Variants in NEFM observed in about 807,000 individuals in gnomAD.
The protein encoded by NEFM is neurofilament medium polypeptide.
A neutral mutation model predicts 48.1 loss-of-function variants in NEFM; 16 were observed. The observed-to-expected ratio is 0.33, with a 90% confidence interval of 0.23 to 0.51. The LOEUF is 0.51. Among genes scored for constraint, NEFM ranks in the 20% least tolerant of loss-of-function variants. The probability of loss-of-function intolerance (pLI) is 0.98; values close to 1 mark genes in which losing one functional copy is unlikely to be tolerated. For synonymous variants in NEFM, 465 were observed against 456.9 expected (o/e 1.02, Z -0.23); for missense variants, 1,107 against 1,136.0 (o/e 0.97, Z 0.37).
Position 24,917,724 on chromosome 8 carries a change from A to G in NEFM, c.1869A>G (p.Glu623=). The G allele has an allele frequency of 6.2e-7, 1 of 1,613,806 alleles. No homozygotes were observed. The highest frequency in any genetic ancestry group is 1.1e-5 in the South Asian group (1 of 91,048). ...AKSPVPKSPV[E]EKGKSPVPKS... is the part of the protein sequence containing the mutation. ...CTCCTGTGCCAAAATCACCAGTGGA[A>G]GAGAAAGGCAAGTCTCCTGTGCCCA... The change falls in exon 3 of 3, where the codon GAA becomes GAG. Residue 623 remains glutamate (E), a synonymous_variant. Coordinates refer to ENST00000221166, the MANE Select transcript of NEFM (RefSeq NM_005382.2).
intron 2 of NEFM, among the ~76,000 whole-genome samples, chr8:24,916,684 CTTT>C (rs1802577753): frequency 6.6e-6 from 1 of 152,012 alleles, no homozygotes. Flanking sequence ...TTGTTTATGG[CTTT>C]TTGTTTTTTT....
chr8:24,918,374 A>G lies in NEFM; in HGVS notation c.2519A>G (p.Asp840Gly), dbSNP rs779188160. ...VTNGLDLSPA[D>G]EKKGGDKSEE... ...AATGGCCTAGACTTGAGCCCAGCAG[A>G]TGAAAAGAAGGGGGGTGATAAAAGT... The change falls in exon 3 of 3, where the codon GAT (aspartate) becomes GGT (glycine). Residue 840 changes from aspartate to glycine, a missense_variant. By Grantham distance (94) the Asp-to-Gly change is moderately conservative. This residue lies in a region of NEFM where 917 missense variants were observed against 916.4 expected (regional missense o/e 1.00). Transcript: ENST00000221166. 4 of 1,614,182 alleles carry G rather than the reference A, an allele frequency of 2.5e-6. No individual in the cohort carries two copies. Among genetic ancestry groups the G allele is most frequent in the Non-Finnish European group, 2.5e-6 (3 of 1,180,050 alleles).
chr8:24,918,410 T>C lies in NEFM; in HGVS notation c.2555T>C (p.Val852Ala), dbSNP rs774135441. Residue 852 changes from valine (V) to alanine (A), a missense_variant, in exon 3 of 3, where the codon GTG (valine) becomes GCG (alanine). Transcript: ENST00000221166. ...GGGGGTGATAAAAGTGAGGAGAAAG[T>C]GGTGGTGACCAAAACGGTAGAAAAA... ...KKGGDKSEEK[V>A]VVTKTVEKIT... The C allele has an allele frequency of 3.7e-6, 6 of 1,613,720 alleles. No homozygotes were observed. In the African/African-American group the frequency reaches 8.0e-5, roughly 22 times the overall value.
Position 24,917,363 on chromosome 8 carries a change from A to G in NEFM, c.1508A>G (p.Glu503Gly), listed in dbSNP as rs776014406. 2 of 1,597,508 alleles carry G rather than the reference A, an allele frequency of 1.3e-6. No individual in the cohort carries two copies. The highest frequency in any genetic ancestry group is 2.2e-5 in the South Asian group (2 of 89,272). The stretch of plus-strand genomic sequence containing the variant: ...AAGGAAGAGGAACCCGAAGCTGAAG[A>G]AGAAGAAGTAGCTGCCAAAAAGTCT... ...EEKEEEPEAE[E>G]EEVAAKKSPV... is the part of the protein sequence containing the mutation. The change falls in exon 3 of 3, where the codon GAA (glutamate) becomes GGA (glycine). Residue 503 changes from glutamate (E) to glycine (G), a missense_variant. By Grantham distance (98) the Glu-to-Gly change is moderately conservative (BLOSUM62 -2). Transcript: ENST00000221166.
Position 24,914,075 on chromosome 8 carries a change from C to T in NEFM, c.282C>T (p.Tyr94=). 1 of 1,612,946 alleles carries T rather than the reference C, an allele frequency of 6.2e-7. No homozygotes were observed. Among genetic ancestry groups the T allele is most frequent in the Non-Finnish European group, 8.5e-7 (1 of 1,179,958 alleles). Residue 94 remains tyrosine (Y), a synonymous_variant, in exon 1 of 3, where the codon TAC becomes TAT. Transcript: ENST00000221166. ...LNGGSGPGGD[Y]KLSRSNEKEQ... ...GCGGCTCCGGACCCGGCGGCGACTA[C>T]AAGCTGTCCCGCTCCAACGAGAAGG...
Position 24,918,229 on chromosome 8 carries a change from G to T in NEFM, c.2374G>T (p.Ala792Ser), listed in dbSNP as rs1417383202. The T allele has an allele frequency of 1.3e-6, 2 of 1,562,232 alleles. No individual in the cohort carries two copies. The highest frequency in any genetic ancestry group is 2.7e-5 in the African/African-American group (2 of 73,372). Residue 792 changes from alanine to serine, a missense_variant, in exon 3 of 3, where the codon GCC becomes TCC. By Grantham distance (99) the Ala-to-Ser change is moderately conservative (BLOSUM62 1). Transcript: ENST00000221166. ...GSEEEGSDKG[A>S]KGSRKEDIAV... is the part of the protein sequence containing the mutation. ...TGAGGAGGAAGGGAGTGATAAAGGT[G>T]CCAAGGGATCCAGGAAGGAAGACAT... is the stretch of plus-strand genomic sequence containing the variant.
chr8:24,917,652 G>A lies in NEFM; in HGVS notation c.1797G>A (p.Glu599=). Residue 599 remains glutamate, a synonymous_variant, in exon 3 of 3, where the codon GAG becomes GAA. Coordinates refer to ENST00000221166, the MANE Select transcript of NEFM (RefSeq NM_005382.2). The part of the protein sequence containing the change: ...EEKSEEVATK[E]ELVADAKVEK... ...AGAGTGAGGAAGTGGCTACCAAGGA[G>A]GAGCTGGTGGCAGATGCCAAGGTGG... 1.9e-6 allele frequency: 3 copies of A among 1,613,290 alleles called. No individual in the cohort carries two copies. The highest frequency in any genetic ancestry group is 2.5e-6 in the Non-Finnish European group (3 of 1,180,014).
In NEFM at chr8:24,918,637, T is replaced by C. The variant is rs757816811; in HGVS notation, c.*31T>C. The stretch of plus-strand genomic sequence containing the variant: ...GAGTCCATTGCAAAAGGTTAAGCCA[T>C]ATGACAATTTCAAAATGCATGTGAT... On this transcript the variant is annotated 3_prime_UTR_variant, in exon 3 of 3. Coordinates refer to ENST00000221166, the MANE Select transcript of NEFM (RefSeq NM_005382.2). The C allele has an allele frequency of 1.3e-5, 19 of 1,503,010 alleles. No homozygotes were observed. The South Asian group carries it at 1.5e-4, about 12-fold the overall frequency. 93.1% of individuals were successfully genotyped at this position (1,503,010 alleles called of 1,614,324 possible).
rs370131251 is a variant in NEFM at position 24,914,658 on chromosome 8, G to A, written c.865G>A (p.Glu289Lys). ...SHSDQNMHQA[E>K]EWFKCRYAKL... ...CTCAGACCAGAATATGCACCAGGCCGAAGAGTGGTTCAAATGCCGCTACGC... is the reference window on the plus strand; with the variant it reads ...CTCAGACCAGAATATGCACCAGGCCAAAGAGTGGTTCAAATGCCGCTACGC... The change falls in exon 1 of 3, where the codon GAA (glutamate) becomes AAA (lysine). Residue 289 changes from glutamate to lysine, a missense_variant. Transcript: ENST00000221166. 6 of 1,614,204 alleles carry A rather than the reference G, an allele frequency of 3.7e-6. No homozygotes were observed. Among genetic ancestry groups the A allele is most frequent in the Non-Finnish European group, 4.2e-6 (5 of 1,180,042 alleles).
rs760454116 is a variant in NEFM, at chr8:24,914,663, G to A, written c.870G>A (p.Glu290=). 6.2e-7 allele frequency: 1 copy of A among 1,614,096 alleles called. No individual in the cohort carries two copies. Among genetic ancestry groups the A allele is most frequent in the Non-Finnish European group, 8.5e-7 (1 of 1,180,052 alleles). The part of the protein sequence containing the change: ...HSDQNMHQAE[E]WFKCRYAKLT... ...ACCAGAATATGCACCAGGCCGAAGAGTGGTTCAAATGCCGCTACGCCAAGC... is the reference window on the plus strand; with the variant it reads ...ACCAGAATATGCACCAGGCCGAAGAATGGTTCAAATGCCGCTACGCCAAGC... Residue 290 remains glutamate, a synonymous_variant, in exon 1 of 3, where the codon GAG becomes GAA. Coordinates refer to ENST00000221166, the MANE Select transcript of NEFM (RefSeq NM_005382.2).
Position 24,914,064 on chromosome 8 carries a change from G to A in NEFM, c.271G>A (p.Gly91Ser), listed in dbSNP as rs139867342. The A allele has an allele frequency of 1.9e-6, 3 of 1,612,846 alleles. No individual in the cohort carries two copies. The highest frequency in any genetic ancestry group is 2.7e-5 in the African/African-American group (2 of 75,078). The change falls in exon 1 of 3, where the codon GGC becomes AGC. Residue 91 changes from glycine (G) to serine (S), a missense_variant. Physicochemically the swap from Gly to Ser is moderately conservative, Grantham distance 56. Transcript: ENST00000221166. The stretch of plus-strand genomic sequence containing the variant: ...CCTGCTCAACGGCGGCTCCGGACCC[G>A]GCGGCGACTACAAGCTGTCCCGCTC... ...SSLLNGGSGP[G>S]GDYKLSRSNE... is the part of the protein sequence containing the mutation.
Position 24,915,677 on chromosome 8 carries a change from C to G in NEFM, c.1153C>G (p.Gln385Glu). The G allele has an allele frequency of 1.2e-6, 2 of 1,614,016 alleles. No individual in the cohort carries two copies. Among genetic ancestry groups the G allele is most frequent in the Non-Finnish European group, 1.7e-6 (2 of 1,180,002 alleles). ...WEMARHLREY[Q>E]DLLNVKMALD... ...AATGGCTCGTCATTTGCGCGAATAC[C>G]AGGACCTCCTCAACGTCAAGATGGC... The change falls in exon 2 of 3, where the codon CAG becomes GAG. Residue 385 changes from glutamine to glutamate, a missense_variant. This residue lies in a region of NEFM where 917 missense variants were observed against 916.4 expected (regional missense o/e 1.00). Transcript: ENST00000221166.
chr8:24,914,981 C>T (rs1586107106), intron 1 of NEFM, 108 bp downstream of exon 1: 1 of 1,422,210 alleles, frequency 7.0e-7, no homozygotes. Context: ...CTGGTGGCCG[C>T]TCGCTAGAGC....
Position 24,918,402 on chromosome 8 carries a change from G to T in NEFM, c.2547G>T (p.Glu849Asp), listed in dbSNP as rs770556393. 1 of 1,614,158 alleles carries T rather than the reference G, an allele frequency of 6.2e-7. No individual in the cohort carries two copies. The highest frequency in any genetic ancestry group is 2.2e-5 in the East Asian group (1 of 44,880). Residue 849 changes from glutamate to aspartate, a missense_variant, in exon 3 of 3, where the codon GAG becomes GAT. By Grantham distance (45) the Glu-to-Asp change is conservative. This residue lies in a region of NEFM where 917 missense variants were observed against 916.4 expected (regional missense o/e 1.00). Transcript: ENST00000221166. ...ADEKKGGDKS[E>D]EKVVVTKTVE... ...AAAAGAAGGGGGGTGATAAAAGTGA[G>T]GAGAAAGTGGTGGTGACCAAAACGG...
chr8:24,914,403 C>G lies in NEFM; in HGVS notation c.610C>G (p.Arg204Gly), dbSNP rs773238968. The change falls in exon 1 of 3, where the codon CGC becomes GGC. Residue 204 changes from arginine to glycine, a missense_variant. Physicochemically the swap from Arg to Gly is moderately radical, Grantham distance 125. Transcript: ENST00000221166. ...GCGCGACGACACTGAGGCGGCCATC[C>G]GCGCGCTGCGCAAAGACATCGAGGA... ...RLRDDTEAAIRALRKDIEEAS... is the reference protein window; with the variant it reads ...RLRDDTEAAIGALRKDIEEAS... The G allele has an allele frequency of 5.0e-6, 8 of 1,613,554 alleles. No individual in the cohort carries two copies. The highest frequency in any genetic ancestry group is 2.2e-5 in the East Asian group (1 of 44,848).
chr8:24,917,661 G>A lies in NEFM; in HGVS notation c.1806G>A (p.Val602=). 6.2e-7 allele frequency: 1 copy of A among 1,613,338 alleles called. No individual in the cohort carries two copies. Among genetic ancestry groups the A allele is most frequent in the Non-Finnish European group, 8.5e-7 (1 of 1,180,028 alleles). ...SEEVATKEEL[V]ADAKVEKPEK... is the part of the protein sequence containing the mutation. ...AAGTGGCTACCAAGGAGGAGCTGGT[G>A]GCAGATGCCAAGGTGGAAAAGCCAG... is the stretch of plus-strand genomic sequence containing the variant. Residue 602 remains valine, a synonymous_variant, in exon 3 of 3, where the codon GTG becomes GTA. Coordinates refer to ENST00000221166, the MANE Select transcript of NEFM (RefSeq NM_005382.2).
At chr8:24,915,247 A>C in intron 1 of NEFM, 1 of 1,268,974 alleles carries the variant, frequency 7.9e-7, no homozygotes, top group Non-Finnish European at 1.0e-6. Context: ...AGTGATCGGA[A>C]GAGCTCTCAA....
chr8:24,917,913 A>G lies in NEFM; in HGVS notation c.2058A>G (p.Pro686=), dbSNP rs1802604695. Reference sequence around the variant, plus strand: ...CCAAATCTCCTGTGCCAAAATCACCAGTGGAAGAGGCAAAGTCAAAAGCAG... The same window carrying G: ...CCAAATCTCCTGTGCCAAAATCACCGGTGGAAGAGGCAAAGTCAAAAGCAG... ...EKAKSPVPKS[P]VEEAKSKAEV... Residue 686 remains proline, a synonymous_variant, in exon 3 of 3, where the codon CCA becomes CCG. Transcript: ENST00000221166. 6 of 1,614,100 alleles carry G rather than the reference A, an allele frequency of 3.7e-6. No individual in the cohort carries two copies. Among genetic ancestry groups the G allele is most frequent in the African/African-American group, 1.3e-5 (1 of 74,930 alleles).
chr8:24,915,608 A>G lies in NEFM; in HGVS notation c.1084A>G (p.Thr362Ala), dbSNP rs780927497. 7.4e-6 allele frequency: 12 copies of G among 1,614,000 alleles called. No individual in the cohort carries two copies. Among genetic ancestry groups the G allele is most frequent in the Non-Finnish European group, 9.3e-6 (11 of 1,179,984 alleles). ...HNHDLSSYQD[T>A]IQQLENELRG... is the part of the protein sequence containing the mutation. The stretch of plus-strand genomic sequence containing the variant: ...AGATTCTCTGTGTCTGTTTCAGGAC[A>G]CCATCCAGCAGCTGGAAAATGAGCT... Residue 362 changes from threonine to alanine, a missense_variant, in exon 2 of 3, where the codon ACC becomes GCC. Thr to Ala is a moderately conservative substitution (Grantham distance 58, BLOSUM62 0). Around this residue, in one of 3 missense-constraint regions of NEFM, gnomAD observed 917 missense variants for 916.4 expected, o/e 1.00. Transcript: ENST00000221166.
Sources: allele counts gnomAD v4.1 joint callset (sites outside exome capture counted in the v4.1 genomes callset), GRCh38; gene constraint gnomAD v4.1.1; regional missense constraint gnomAD v4.1.1; transcripts MANE v1.5; gene names NCBI Gene and HGNC (gene_info 2026-07-23, HGNC 2026-07-21).